DNAJA4: variants seen among roughly 807,000 people sequenced by gnomAD.
DNAJA4 encodes the protein dnaJ homolog subfamily A member 4.
A neutral mutation model predicts 39.7 loss-of-function variants in DNAJA4; 32 were observed. The observed-to-expected ratio is 0.81, with a 90% CI of 0.61 to 1.08. The LOEUF (loss-of-function observed/expected upper bound fraction) is 1.08. Among genes scored for constraint, DNAJA4 ranks in the 50% least tolerant of loss-of-function variants. The pLI, the probability that DNAJA4 is intolerant of heterozygous loss-of-function variation, is 0.00. For synonymous variants in DNAJA4, 184 were observed against 182.4 expected, an observed-to-expected ratio of 1.01 and a Z score of -0.07; for missense variants, 439 against 505.1, an observed-to-expected ratio of 0.87 and a Z score of 1.25.
At position 78,264,869 on chromosome 15, in the gene DNAJA4, G is replaced by A. The variant is rs944191625; in HGVS notation, c.106G>A (p.Asp36Asn). ...YRKLALKYHP[D>N]KNPDEGEKFK... The stretch of plus-strand genomic sequence containing the variant: ...GAAGCTGGCGCTCAAGTACCACCCG[G>A]ACAAGAACCCGGATGAGGGCGAGAA... The change falls in exon 1 of 7, where the codon GAC (aspartate) becomes AAC (asparagine). Residue 36 changes from aspartate to asparagine, a missense_variant. Physicochemically the swap from Asp to Asn is conservative, Grantham distance 23 (BLOSUM62 1). Coordinates refer to ENST00000394852, the MANE Select transcript of DNAJA4 (RefSeq NM_001130182.2). 1 of 1,605,444 alleles carries A rather than the reference G, an allele frequency of 6.2e-7. No homozygotes were observed. Among genetic ancestry groups the A allele is most frequent in the Non-Finnish European group, 8.5e-7 (1 of 1,176,082 alleles).
chr15:78,272,485 G>T (rs1461374216), intron 2 of DNAJA4, among the ~76,000 whole-genome samples: 1 of 152,238 alleles, frequency 6.6e-6, no homozygotes, highest in Non-Finnish European at 1.5e-5. Flanking sequence ...GACTGCAGGA[G>T]CTCCACGGGC....
In DNAJA4 at chr15:78,279,276, C is replaced by CT. The variant is rs200059251; in HGVS notation, c.878-766dup. ...TCTCCCCCATTTTTTCCGAACATTTCTTTCTGTCTTTGTCCATTTTCATCG... is the reference window on the plus strand; with the variant it reads ...TCTCCCCCATTTTTTCCGAACATTTCTTTTCTGTCTTTGTCCATTTTCATCG... On this transcript the variant is annotated intron_variant, in intron 5 of 6. Transcript: ENST00000394852. The surrounding 1 kb of genome is among the most constrained non-coding windows in gnomAD (Gnocchi z 4.5). The CT allele has an allele frequency of 7.3e-6, 1 of 136,508 alleles. No individual in the cohort carries two copies. The highest frequency in any genetic ancestry group is 2.7e-5 in the African/African-American group (1 of 36,842). 8.5% of individuals were successfully genotyped at this position (136,508 alleles called of 1,614,324 possible).
At chr15:78,266,722 T>G (rs940373873) in intron 1 of DNAJA4, among the ~76,000 whole-genome samples, 1 of 152,272 alleles carries the variant, frequency 6.6e-6, no homozygotes, top group African/African-American at 2.4e-5. Context: ...ACTGTATTCC[T>G]TTAATGGTGA....
In DNAJA4 at chr15:78,281,861, A is replaced by G. The variant is rs965270487; in HGVS notation, c.*1401A>G. The stretch of plus-strand genomic sequence containing the variant: ...CAGCTGCACGGACCAGGTTCCCGCA[A>G]AACATTGCCAGCTAGTGAGGCATAA... On this transcript the variant is annotated 3_prime_UTR_variant, in exon 7 of 7. Transcript: ENST00000394852. 1.3e-5 allele frequency: 2 copies of G among 152,240 alleles called. No individual in the cohort carries two copies. The highest frequency in any genetic ancestry group is 2.1e-4 in the South Asian group (1 of 4,832). The allele number at this position is 152,240 out of a possible 1,614,324, so 9.4% of individuals were successfully genotyped here. A position where few individuals can be genotyped will look rare whatever the true frequency, so the allele number is the denominator to read the frequency against.
At chr15:78,278,043 G>A (rs1039392923) in intron 5 of DNAJA4, 29 of 455,670 alleles carry the variant, frequency 6.4e-5, no homozygotes, top group East Asian at 4.2e-4. Flanking sequence ...CTTTTCTGCT[G>A]TTGAAATGCC....
chr15:78,266,497 C>G (rs995636045), intron 1 of DNAJA4, among the ~76,000 whole-genome samples: 3 of 152,188 alleles, frequency 2.0e-5, no homozygotes, highest in Admixed American at 6.5e-5. Flanking sequence ...AAATGAGGCC[C>G]TTGGCAGTGA....
intron 5 of DNAJA4, among the ~76,000 whole-genome samples, chr15:78,276,263 A>T (rs982979857): frequency 6.6e-6 from 1 of 152,236 alleles, no homozygotes; most frequent in Non-Finnish European, 1.5e-5. Context: ...TGTTCATTAC[A>T]TGAGTTACAT....
Position 78,281,226 on chromosome 15 carries a change from C to T in DNAJA4, c.*766C>T, listed in dbSNP as rs914052133. 1 of 152,648 alleles carries T rather than the reference C, an allele frequency of 6.6e-6. No homozygotes were observed. The highest frequency in any genetic ancestry group is 2.4e-5 in the African/African-American group (1 of 41,452). 9.5% of individuals were successfully genotyped at this position (152,648 alleles called of 1,614,324 possible). ...TTTTCTGTTGACAACTTTTGCAATG[C>T]TTTCCCACCAAAGTGCTTACTTGTA... On this transcript the variant is annotated 3_prime_UTR_variant, in exon 7 of 7. Coordinates refer to ENST00000394852, the MANE Select transcript of DNAJA4 (RefSeq NM_001130182.2).
At position 78,270,539 on chromosome 15, in the gene DNAJA4, A is replaced by C. The variant is rs1429468732; in HGVS notation, c.175A>C (p.Lys59Gln). 1 of 1,614,198 alleles carries C rather than the reference A, an allele frequency of 6.2e-7. No individual in the cohort carries two copies. Among genetic ancestry groups the C allele is most frequent in the East Asian group, 2.2e-5 (1 of 44,886 alleles). ...GGCATATGAAGTGCTTTCAGATCCA[A>C]AGAAAAGGGATGTTTATGACCAAGG... ...SQAYEVLSDP[K>Q]KRDVYDQGGE... The change falls in exon 2 of 7, where the codon AAG (lysine) becomes CAG (glutamine). Residue 59 changes from lysine (K) to glutamine (Q), a missense_variant. Transcript: ENST00000394852.
At position 78,278,025 on chromosome 15, in the gene DNAJA4, T is replaced by C. The variant is rs1199187492; in HGVS notation, c.878-2020T>C. ...GTTTCTCCATTTTCTCTTCTCCCTC[T>C]TCTTCCTCTTTTCTGCTGTTGAAAT... On this transcript the variant is annotated intron_variant, in intron 5 of 6. Coordinates refer to ENST00000394852, the MANE Select transcript of DNAJA4 (RefSeq NM_001130182.2). 5 of 455,808 alleles carry C rather than the reference T, an allele frequency of 1.1e-5. No homozygotes were observed. In the Admixed American group the frequency reaches 1.2e-4, roughly 11 times the overall value. 28.2% of individuals were successfully genotyped at this position (455,808 alleles called of 1,614,324 possible).
chr15:78,270,387 A>T, intron 1 of DNAJA4, 110 bp from the exon 2 acceptor site: 1 of 1,176,618 alleles, frequency 8.5e-7, no homozygotes, highest in Non-Finnish European at 1.2e-6. Flanking sequence ...TGGCTAGTTC[A>T]AGGGTTTGGG....
chr15:78,264,246 C>CGT, upstream of DNAJA4: 1 of 924,240 alleles, frequency 1.1e-6, no homozygotes. Flanking sequence ...AAGGGGGCGG[C>CGT]CTCGGGGCGG....
chr15:78,266,110 G>A (rs1396306454), intron 1 of DNAJA4: 2 of 817,608 alleles, frequency 2.4e-6, no homozygotes, highest in Non-Finnish European at 3.8e-6. Context: ...GCTTTTAAAG[G>A]CACTGGCGTT....
intron 5 of DNAJA4, among the ~76,000 whole-genome samples, chr15:78,278,850 T>TTA (rs869065716): frequency 6.8e-6 from 1 of 147,824 alleles, no homozygotes; most frequent in Non-Finnish European, 1.5e-5. Flanking sequence ...TTTTTTTTTT[T>TTA]AGTAGAGACG....
In DNAJA4 at chr15:78,280,238, TTTA is replaced by T; in HGVS notation, c.979-6_979-4del. 6.2e-7 allele frequency: 1 copy of T among 1,613,796 alleles called. No homozygotes were observed. The highest frequency in any genetic ancestry group is 8.5e-7 in the Non-Finnish European group (1 of 1,179,650). ...GCCACCTTTCTTTCCCACCTCACCCTTTACAGGTAATCTTTCCTGAAAAACACT... is the reference window on the plus strand; with the variant it reads ...GCCACCTTTCTTTCCCACCTCACCCTCAGGTAATCTTTCCTGAAAAACACT... On this transcript the variant is annotated splice_polypyrimidine_tract_variant and splice_region_variant and intron_variant, in intron 6 of 6. Coordinates refer to ENST00000394852, the MANE Select transcript of DNAJA4 (RefSeq NM_001130182.2).
At chr15:78,269,064 C>T (rs527346102) in intron 1 of DNAJA4, among the ~76,000 whole-genome samples, 36 of 152,290 alleles carry the variant, frequency 2.4e-4, no homozygotes, top group African/African-American at 7.2e-4. Flanking sequence ...TGAGGAACAG[C>T]AGGGAGCCTG....
Position 78,267,181 on chromosome 15 carries a change from A to AGTGT in DNAJA4, c.132+2294_132+2297dup, listed in dbSNP as rs796738360. Among the ~76,000 whole-genome samples, 357 of 90,162 alleles carry AGTGT rather than the reference A, an allele frequency of 4.0e-3. 3 individuals carry two copies. The highest frequency in any genetic ancestry group is 0.015 in the African/African-American group (346 of 23,576). 59.1% of individuals were successfully genotyped at this position (90,162 alleles called of 152,430 possible). On this transcript the variant is annotated intron_variant, in intron 1 of 6. Coordinates refer to ENST00000394852, the MANE Select transcript of DNAJA4 (RefSeq NM_001130182.2). ...GTGTATGTGAGTGTGTGAGTGTGTG[A>AGTGT]GTGTGTGTGTGAGTGTGTATGTGAG...
At position 78,280,557 on chromosome 15, in the gene DNAJA4, G is replaced by T. The variant is rs2049628330; in HGVS notation, c.*97G>T. The T allele has an allele frequency of 1.9e-6, 2 of 1,076,450 alleles. No individual in the cohort carries two copies. Among genetic ancestry groups the T allele is most frequent in the Admixed American group, 2.4e-5 (1 of 41,556 alleles). 66.7% of individuals were successfully genotyped at this position (1,076,450 alleles called of 1,614,324 possible). ...ATCGCTTTAATGGCCTTGTGTTTGG[G>T]ATGTCCTGTGTATGTGTTCAGCATT... On this transcript the variant is annotated 3_prime_UTR_variant, in exon 7 of 7. Transcript: ENST00000394852.
At position 78,274,328 on chromosome 15, in the gene DNAJA4, C is replaced by G. The variant is rs751541836; in HGVS notation, c.550C>G (p.Gln184Glu). ...GACCGTGTGCATCGAGTGCAAGGGC[C>G]AGGGTGAGCGCATCAACCCCAAGGA... Reference protein sequence around the residue: ...IQTVCIECKGQGERINPKDRC... With the variant: ...IQTVCIECKGEGERINPKDRC... The change falls in exon 4 of 7, where the codon CAG (glutamine) becomes GAG (glutamate). Residue 184 changes from glutamine (Q) to glutamate (E), a missense_variant. By Grantham distance (29) the Gln-to-Glu change is conservative. Coordinates refer to ENST00000394852, the MANE Select transcript of DNAJA4 (RefSeq NM_001130182.2). 3.1e-6 allele frequency: 5 copies of G among 1,614,188 alleles called. No homozygotes were observed. The highest frequency in any genetic ancestry group is 4.2e-6 in the Non-Finnish European group (5 of 1,180,030).
Sources: allele counts gnomAD v4.1 joint callset (sites outside exome capture counted in the v4.1 genomes callset), GRCh38; gene constraint gnomAD v4.1.1; non-coding constraint Gnocchi (gnomAD v3.1); transcripts MANE v1.5; gene names NCBI Gene and HGNC (gene_info 2026-07-23, HGNC 2026-07-21).